MED27: variants seen among roughly 807,000 people sequenced by gnomAD.
MED27 encodes mediator complex subunit 27, also known as mediator of RNA polymerase II transcription subunit 27.
MED27 carries 30 observed loss-of-function variants against 38.2 expected under a neutral mutation model. The ratio of observed to expected loss-of-function variants is 0.79; its 90% CI spans 0.59 to 1.07. MED27 has a LOEUF of 1.07. Ranked by LOEUF, MED27 falls within the 50% of genes least tolerant of loss-of-function variation. The probability of loss-of-function intolerance (pLI) is 0.00; values close to 1 mark genes in which losing one functional copy is unlikely to be tolerated. For synonymous variants in MED27, 122 were observed against 153.5 expected, an observed-to-expected ratio of 0.79 and a Z score of 1.52; for missense variants, 289 against 397.5, an observed-to-expected ratio of 0.73 and a Z score of 2.32.
intron 3 of MED27, among the ~76,000 whole-genome samples, chr9:132,000,338 A>G (rs1832198504): frequency 6.6e-6 from 1 of 152,122 alleles, no homozygotes; most frequent in African/African-American, 2.4e-5. Context: ...CTAAACATTA[A>G]AAAGATGGAC....
intron 3 of MED27, among the ~76,000 whole-genome samples, chr9:131,949,496 C>G (rs955842886): frequency 6.6e-6 from 1 of 152,192 alleles, no homozygotes; most frequent in African/African-American, 2.4e-5. Flanking sequence ...CTGAGTGGCA[C>G]AGCTGAGCCC....
At chr9:131,980,980 G>T (rs1831723578) in intron 3 of MED27, among the ~76,000 whole-genome samples, 1 of 152,174 alleles carries the variant, frequency 6.6e-6, no homozygotes, top group African/African-American at 2.4e-5. Context: ...CATCTTTAAA[G>T]CAAGGATTAA....
chr9:132,063,744 G>A (rs539079296), intron 2 of MED27, among the ~76,000 whole-genome samples: 4 of 152,242 alleles, frequency 2.6e-5, no homozygotes, highest in South Asian at 2.1e-4. Flanking sequence ...CACCTCCACC[G>A]CTCAAGTGTT....
At chr9:131,957,650 C>A (rs1383271995) in intron 3 of MED27, among the ~76,000 whole-genome samples, 1 of 152,062 alleles carries the variant, frequency 6.6e-6, no homozygotes, top group Admixed American at 6.5e-5. Flanking sequence ...GTGGTATATC[C>A]ATACAATGAA....
intron 3 of MED27, among the ~76,000 whole-genome samples, chr9:131,991,552 C>A (rs908402353): frequency 2.0e-5 from 3 of 152,146 alleles, no homozygotes; most frequent in Non-Finnish European, 4.4e-5. Context: ...AATCTAATTT[C>A]CTGTTTTAAG....
intron 1 of MED27, among the ~76,000 whole-genome samples, chr9:132,079,249 G>A (rs1834120962): frequency 6.6e-6 from 1 of 152,174 alleles, no homozygotes. Flanking sequence ...CTTGGGTTTG[G>A]AGCCGACTGA....
chr9:131,904,665 G>T (rs1444649618), intron 4 of MED27, among the ~76,000 whole-genome samples: 1 of 152,080 alleles, frequency 6.6e-6, no homozygotes, highest in Non-Finnish European at 1.5e-5. Context: ...GGCCAACAAG[G>T]TTTTTTTATG....
rs183519657 is a variant in MED27, at chr9:131,903,442, C to T, written c.574-9450G>A. On this transcript the variant is annotated intron_variant, in intron 4 of 7. Transcript: ENST00000292035. ...ATTTGGGTGGGGACACAGAGCCAAA[C>T]CATATCACAGGTGTTACCCCATTAG... Among the ~76,000 whole-genome samples the T allele has an allele frequency of 1.2e-4, 18 of 152,296 alleles. No homozygotes were observed. The East Asian group carries it at 3.1e-3, about 26-fold the overall frequency.
At chr9:131,951,954 G>A (rs1258895471) in intron 3 of MED27, among the ~76,000 whole-genome samples, 2 of 152,214 alleles carry the variant, frequency 1.3e-5, no homozygotes, top group Non-Finnish European at 2.9e-5. Flanking sequence ...AGGCCAACGA[G>A]AGAGTGGACA....
chr9:131,946,994 A>C (rs1301317670), intron 3 of MED27, among the ~76,000 whole-genome samples: 1 of 152,136 alleles, frequency 6.6e-6, no homozygotes, highest in Non-Finnish European at 1.5e-5. Context: ...ATTATTCAAC[A>C]CCTAACTCCC....
At chr9:131,888,163 C>T (rs1056779603) in intron 5 of MED27, among the ~76,000 whole-genome samples, 1 of 152,200 alleles carries the variant, frequency 6.6e-6, no homozygotes, top group Non-Finnish European at 1.5e-5. Context: ...CCAGCAAGGG[C>T]GGATGCCATT....
At chr9:132,002,820 C>T (rs535168524) in intron 3 of MED27, among the ~76,000 whole-genome samples, 5 of 148,580 alleles carry the variant, frequency 3.4e-5, no homozygotes, top group Admixed American at 2.8e-4. Flanking sequence ...GAGGGTGACA[C>T]AGCAGAACCG....
intron 4 of MED27, among the ~76,000 whole-genome samples, chr9:131,932,564 A>T (rs1474636478): frequency 6.6e-6 from 1 of 152,140 alleles, no homozygotes; most frequent in Non-Finnish European, 1.5e-5. Flanking sequence ...AGACTGAACC[A>T]TGAAGAAATC....
intron 2 of MED27, among the ~76,000 whole-genome samples, chr9:132,024,118 C>T (rs1300442983): frequency 6.6e-6 from 1 of 152,138 alleles, no homozygotes; most frequent in Admixed American, 6.5e-5. Context: ...AGTTCAAACC[C>T]CAGCTCAACA....
At chr9:131,966,889 C>A (rs1589239251) in intron 3 of MED27, among the ~76,000 whole-genome samples, 1 of 152,364 alleles carries the variant, frequency 6.6e-6, no homozygotes, top group East Asian at 1.9e-4. Context: ...TACTTGGACT[C>A]TAGCACGTAG....
intron 4 of MED27, among the ~76,000 whole-genome samples, chr9:131,923,068 T>C (rs1374597797): frequency 6.6e-6 from 1 of 152,228 alleles, no homozygotes; most frequent in Non-Finnish European, 1.5e-5. Flanking sequence ...GAAACTAATA[T>C]GTGGATGATA....
intron 6 of MED27, among the ~76,000 whole-genome samples, chr9:131,879,321 G>A (rs1471031362): frequency 6.6e-6 from 1 of 152,222 alleles, no homozygotes; most frequent in East Asian, 1.9e-4. Flanking sequence ...ACGGGTGGGG[G>A]GCGTGGCTTC....
In MED27 at chr9:131,913,152, A is replaced by G. The variant is rs1193348011; in HGVS notation, c.574-19160T>C. ...ACCAAAATTACATTTGATCAAAACC[A>G]TTATTCTTTTAAAAAACTTCACTCA... On this transcript the variant is annotated intron_variant, in intron 4 of 7. Transcript: ENST00000292035. This position sits in a 1 kb window ranked among gnomAD's most constrained non-coding sequence, Gnocchi z 4.5. Among the ~76,000 whole-genome samples, 1 of 152,210 alleles carries G rather than the reference A, an allele frequency of 6.6e-6. No individual in the cohort carries two copies. Among genetic ancestry groups the G allele is most frequent in the Non-Finnish European group, 1.5e-5 (1 of 68,030 alleles).
chr9:131,973,457 C>CTTTTTTTTTTTTTTTTTT (rs747946439), intron 3 of MED27, among the ~76,000 whole-genome samples: 4 of 122,168 alleles, frequency 3.3e-5, no homozygotes, highest in Non-Finnish European at 5.0e-5. Flanking sequence ...TTTTTCTTTT[C>CTTTTTTTTTTTTTTTTTT]TTTTTTTTTT....
Sources: allele counts gnomAD v4.1 joint callset (sites outside exome capture counted in the v4.1 genomes callset), GRCh38; gene constraint gnomAD v4.1.1; non-coding constraint Gnocchi (gnomAD v3.1); transcripts MANE v1.5; gene names NCBI Gene and HGNC (gene_info 2026-07-23, HGNC 2026-07-21).